SAP130: variants seen among roughly 807,000 people sequenced by gnomAD.
SAP130 encodes the protein Sin3A associated protein 130, also known as histone deacetylase complex subunit SAP130.
A neutral mutation model predicts 103.2 loss-of-function variants in SAP130; 16 were observed. That is an observed-to-expected ratio of 0.16 (90% CI 0.10 to 0.24). SAP130 has a LOEUF of 0.24. SAP130 is among the 10% of genes least tolerant of loss of function. SAP130 has a pLI of 1.00. For synonymous variants in SAP130, 477 were observed against 497.0 expected, an observed-to-expected ratio of 0.96 and a Z score of 0.53; for missense variants, 990 against 1,359.7, an observed-to-expected ratio of 0.73 and a Z score of 4.28.
intron 7 of SAP130, among the ~76,000 whole-genome samples, chr2:128,006,459 C>G (rs1683980962): frequency 6.6e-6 from 1 of 152,100 alleles, no homozygotes; most frequent in South Asian, 2.1e-4. Context: ...TTATCTGGCC[C>G]CTTTGAAGGT....
chr2:128,022,021 C>T (rs1228029151), intron 2 of SAP130, among the ~76,000 whole-genome samples: 3 of 152,150 alleles, frequency 2.0e-5, no homozygotes, highest in South Asian at 2.1e-4. Context: ...GATAAGTGTT[C>T]GCAAAAGTAT....
Position 128,017,830 on chromosome 2 carries a change from C to T in SAP130, c.198G>A (p.Lys66=), listed in dbSNP as rs1573847321. The T allele has an allele frequency of 6.2e-7, 1 of 1,614,260 alleles. No individual in the cohort carries two copies. The highest frequency in any genetic ancestry group is 8.5e-7 in the Non-Finnish European group (1 of 1,180,054). ...SSSSLQSREE[K]QEPVVVRPYP... is the part of the protein sequence containing the mutation. ...AGGGCCTTACCACAACAGGCTCTTG[C>T]TTCTCCTCCCGGGACTGGAGGGAGC... Residue 66 remains lysine (K), a synonymous_variant, in exon 3 of 21, where the codon AAG becomes AAA. Transcript: ENST00000643581.
chr2:127,965,776 C>A (rs960889001), intron 15 of SAP130, among the ~76,000 whole-genome samples: 5 of 151,418 alleles, frequency 3.3e-5, no homozygotes, highest in African/African-American at 1.2e-4. Context: ...GGCGACAGAG[C>A]GAGACTGTCT....
chr2:128,021,681 A>G (rs1685173658), intron 2 of SAP130, among the ~76,000 whole-genome samples: 1 of 152,188 alleles, frequency 6.6e-6, no homozygotes, highest in Non-Finnish European at 1.5e-5. Context: ...GGTTGGGTCA[A>G]ATGGTAAGTA....
intron 15 of SAP130, among the ~76,000 whole-genome samples, chr2:127,957,964 A>G (rs1032226895): frequency 2.0e-5 from 3 of 152,240 alleles, no homozygotes; most frequent in Admixed American, 6.5e-5. Flanking sequence ...TAATACATTA[A>G]GATTTCCCTG....
chr2:128,011,600 A>C (rs537328057), intron 6 of SAP130, among the ~76,000 whole-genome samples: 2 of 152,250 alleles, frequency 1.3e-5, no homozygotes, highest in African/African-American at 4.8e-5. Flanking sequence ...CATATGTATC[A>C]CATATACTAC....
rs191975975 is a variant in SAP130 at position 127,996,321 on chromosome 2, G to A, written c.1355+29C>T. 4.5e-4 allele frequency: 696 copies of A among 1,553,174 alleles called. 1 individual carries two copies. The highest frequency in any genetic ancestry group is 1.4e-3 in the Middle Eastern group (8 of 5,852). On this transcript the variant is annotated intron_variant, in intron 11 of 20. Coordinates refer to ENST00000643581, the MANE Select transcript of SAP130 (RefSeq NM_001330301.2). The surrounding 1 kb of genome is among the most constrained non-coding windows in gnomAD (Gnocchi z 4.3). ...AGCAGAACGATTAATGACACAGTGA[G>A]GCAGAATAACTGACACACAGCCTCC... is the stretch of plus-strand genomic sequence containing the variant.
At chr2:127,971,197 T>C (rs1046499039) in intron 15 of SAP130, among the ~76,000 whole-genome samples, 14 of 152,206 alleles carry the variant, frequency 9.2e-5, no homozygotes, top group African/African-American at 3.4e-4. Flanking sequence ...CCCCCATCTG[T>C]TGACCTCGGC....
intron 7 of SAP130, among the ~76,000 whole-genome samples, chr2:128,008,591 G>C (rs1684148504): frequency 6.8e-6 from 1 of 146,056 alleles, no homozygotes; most frequent in South Asian, 2.2e-4. Flanking sequence ...GGCTGGTCTT[G>C]AATTCCTGGC....
intron 15 of SAP130, among the ~76,000 whole-genome samples, chr2:127,956,326 G>T (rs1387487015): frequency 6.6e-6 from 1 of 152,140 alleles, no homozygotes; most frequent in African/African-American, 2.4e-5. Context: ...ATGAAAATAG[G>T]TTAGTGTACG....
At chr2:127,977,038 A>G (rs1236781039) in intron 15 of SAP130, among the ~76,000 whole-genome samples, 1 of 152,166 alleles carries the variant, frequency 6.6e-6, no homozygotes, top group Non-Finnish European at 1.5e-5. Flanking sequence ...ACAAAACCCC[A>G]AAACTGTTAC....
At chr2:128,027,437 G>A (rs1184050165) in intron 1 of SAP130, 2 of 1,112,606 alleles carry the variant, frequency 1.8e-6, no homozygotes, top group African/African-American at 3.3e-5. Flanking sequence ...AATCAGGCGC[G>A]AGCCTGGCCG....
At chr2:127,967,741 A>G (rs1680762869) in intron 15 of SAP130, among the ~76,000 whole-genome samples, 2 of 152,204 alleles carry the variant, frequency 1.3e-5, no homozygotes, top group Admixed American at 6.5e-5. Context: ...TGGATGAAAC[A>G]TCCAGACAGA....
chr2:127,996,401 C>G lies in SAP130; in HGVS notation c.1304G>C (p.Gly435Ala). Reference protein sequence around the residue: ...AERSSLIPISGHRASPNPVAM... With the variant: ...AERSSLIPISAHRASPNPVAM... ...CACAGGATTGGGAGAGGCCCGATGT[C>G]CGGAGATGGGAATCAGGCTACTCCT... Residue 435 changes from glycine to alanine, a missense_variant, in exon 11 of 21, where the codon GGA (glycine) becomes GCA (alanine). Coordinates refer to ENST00000643581, the MANE Select transcript of SAP130 (RefSeq NM_001330301.2). The surrounding 1 kb of genome is among the most constrained non-coding windows in gnomAD (Gnocchi z 4.3). 6.2e-7 allele frequency: 1 copy of G among 1,610,964 alleles called. No homozygotes were observed.
intron 2 of SAP130, among the ~76,000 whole-genome samples, chr2:128,018,297 A>C (rs971080104): frequency 6.2e-5 from 9 of 145,608 alleles, no homozygotes; most frequent in South Asian, 4.4e-4. Flanking sequence ...GCAAAACCCT[A>C]TCTCTACTAA....
chr2:128,012,936 A>C (rs1415589187), intron 6 of SAP130, 94 bp downstream of exon 6: 3 of 1,244,118 alleles, frequency 2.4e-6, no homozygotes, highest in Non-Finnish European at 3.2e-6. Flanking sequence ...CTTGGCAACT[A>C]GATGGAAAGT....
At chr2:127,947,571 T>C (rs1244048801) in intron 18 of SAP130, among the ~76,000 whole-genome samples, 1 of 152,248 alleles carries the variant, frequency 6.6e-6, no homozygotes, top group East Asian at 1.9e-4. Flanking sequence ...TCCTTGCCTA[T>C]ATTTTAAAAG....
At chr2:127,954,900 G>T in intron 16 of SAP130, 86 bp downstream of exon 16, 4 of 1,074,974 alleles carry the variant, frequency 3.7e-6, no homozygotes, top group Non-Finnish European at 4.1e-6. Context: ...TTGGCTGAGG[G>T]TTACAGAAGA....
chr2:127,941,717 C>A lies in SAP130; in HGVS notation c.*289G>T. On this transcript the variant is annotated 3_prime_UTR_variant, in exon 21 of 21. Transcript: ENST00000643581. The stretch of plus-strand genomic sequence containing the variant: ...CGGAAGGCTGAAAAACACCAGCCAG[C>A]CATCCTTGTCATTGCTTCCAACTGG... 2.5e-6 allele frequency: 1 copy of A among 401,636 alleles called. No individual in the cohort carries two copies. Among genetic ancestry groups the A allele is most frequent in the Non-Finnish European group, 4.4e-6 (1 of 226,970 alleles). The allele number at this position is 401,636 out of a possible 1,614,324, so 24.9% of individuals were successfully genotyped here. A position where few individuals can be genotyped will look rare whatever the true frequency, so the allele number is the denominator to read the frequency against.
Sources: allele counts gnomAD v4.1 joint callset (sites outside exome capture counted in the v4.1 genomes callset), GRCh38; gene constraint gnomAD v4.1.1; non-coding constraint Gnocchi (gnomAD v3.1); transcripts MANE v1.5; gene names NCBI Gene and HGNC (gene_info 2026-07-23, HGNC 2026-07-21).